GPR158: variants seen among roughly 807,000 people sequenced by gnomAD.
GPR158 encodes the protein G protein-coupled receptor 158, also known as metabotropic glycine receptor.
A neutral mutation model predicts 78.2 loss-of-function variants in GPR158; 30 were observed. That is an observed-to-expected ratio of 0.38 (90% CI 0.29 to 0.52). GPR158 has a LOEUF of 0.52. Among genes scored for constraint, GPR158 ranks in the 20% least tolerant of loss-of-function variants. The pLI is 0.83. For missense variants in GPR158, 1,463 were observed against 1,523.5 expected, an observed-to-expected ratio of 0.96 and a Z score of 0.66; for synonymous variants, 581 against 591.1, an observed-to-expected ratio of 0.98 and a Z score of 0.25.
intron 4 of GPR158, among the ~76,000 whole-genome samples, chr10:25,435,364 T>G (rs1588863128): frequency 1.3e-5 from 2 of 152,172 alleles, no homozygotes; most frequent in African/African-American, 4.8e-5. Flanking sequence ...ATGAGGTTGT[T>G]TCTGAAGATT....
chr10:25,578,573 T>C (rs1051422362), intron 7 of GPR158, among the ~76,000 whole-genome samples: 6 of 152,360 alleles, frequency 3.9e-5, no homozygotes, highest in Admixed American at 3.3e-4. Flanking sequence ...ACAGTCATAA[T>C]AGATTGGTAC....
intron 5 of GPR158, among the ~76,000 whole-genome samples, chr10:25,542,823 CAAA>C (rs5783943): frequency 3.2e-5 from 3 of 94,358 alleles, no homozygotes; most frequent in Admixed American, 1.2e-4. Context: ...AACTCCATCT[CAAA>C]AAAAAAAAAA....
chr10:25,183,133 T>C (rs149164563), intron 1 of GPR158, among the ~76,000 whole-genome samples: 1 of 152,292 alleles, frequency 6.6e-6, no homozygotes, highest in African/African-American at 2.4e-5. Flanking sequence ...CATAGCGTAA[T>C]TTCCACTTTG....
At chr10:25,339,029 T>C (rs1855266157) in intron 2 of GPR158, among the ~76,000 whole-genome samples, 1 of 151,256 alleles carries the variant, frequency 6.6e-6, no homozygotes, top group Non-Finnish European at 1.5e-5. Context: ...TCTTTTTTTT[T>C]TTTTTTTAAA....
At chr10:25,364,099 A>G (rs992651834) in intron 2 of GPR158, among the ~76,000 whole-genome samples, 4 of 151,982 alleles carry the variant, frequency 2.6e-5, no homozygotes, top group African/African-American at 9.7e-5. Flanking sequence ...TGGAATAAGA[A>G]GTATTATTCT....
intron 2 of GPR158, among the ~76,000 whole-genome samples, chr10:25,346,573 T>C (rs537729048): frequency 6.6e-6 from 1 of 151,964 alleles, no homozygotes; most frequent in Non-Finnish European, 1.5e-5. Flanking sequence ...TTATAGATTT[T>C]CTGGGTCTTT....
intron 5 of GPR158, among the ~76,000 whole-genome samples, chr10:25,520,640 G>A (rs558252359): frequency 5.3e-5 from 8 of 151,304 alleles, no homozygotes; most frequent in Non-Finnish European, 7.4e-5. Flanking sequence ...GCCGTGTGAG[G>A]TGTCAGTGTG....
At chr10:25,444,452 G>C (rs1425913278) in intron 4 of GPR158, among the ~76,000 whole-genome samples, 3 of 151,500 alleles carry the variant, frequency 2.0e-5, no homozygotes, top group Admixed American at 2.0e-4. Context: ...TTGAGTGTGA[G>C]TGTATGTGGG....
chr10:25,558,393 CT>C (rs1234395019), intron 6 of GPR158, among the ~76,000 whole-genome samples: 3 of 152,166 alleles, frequency 2.0e-5, no homozygotes, highest in Non-Finnish European at 4.4e-5. Flanking sequence ...TATTTCTTTT[CT>C]TTATGTGAAG....
chr10:25,267,303 A>G (rs1854056674), intron 2 of GPR158, among the ~76,000 whole-genome samples: 1 of 152,098 alleles, frequency 6.6e-6, no homozygotes, highest in South Asian at 2.1e-4. Context: ...AGGGGAAGCA[A>G]ACATGCCCTT....
chr10:25,209,260 G>A (rs920594254), intron 1 of GPR158, among the ~76,000 whole-genome samples: 11 of 152,262 alleles, frequency 7.2e-5, no homozygotes, highest in Non-Finnish European at 1.3e-4. Context: ...TTAGATCTAT[G>A]TACCACTCTA....
chr10:25,345,046 C>A (rs1279674636), intron 2 of GPR158, among the ~76,000 whole-genome samples: 1 of 151,966 alleles, frequency 6.6e-6, no homozygotes, highest in Admixed American at 6.6e-5. Flanking sequence ...AATACTATCA[C>A]CTTGGGGGCC....
intron 6 of GPR158, among the ~76,000 whole-genome samples, chr10:25,565,658 T>A (rs1836919568): frequency 1.3e-5 from 2 of 152,204 alleles, no homozygotes; most frequent in Admixed American, 6.5e-5. Context: ...TTGCTTTAGA[T>A]AAATGACTCC....
intron 6 of GPR158, among the ~76,000 whole-genome samples, chr10:25,570,562 A>C (rs1330611523): frequency 3.3e-5 from 5 of 152,162 alleles, no homozygotes; most frequent in African/African-American, 9.7e-5. Flanking sequence ...CCACTAAGTT[A>C]GCTTTTTATT....
Position 25,596,801 on chromosome 10 carries a change from A to C in GPR158, c.2145+12A>C. Reference sequence around the variant, plus strand: ...CAGAGGACATTCGGGTAATGCCAGTACTCTATCTTTCTTCCTATTTCAGAT... The same window carrying C: ...CAGAGGACATTCGGGTAATGCCAGTCCTCTATCTTTCTTCCTATTTCAGAT... On this transcript the variant is annotated intron_variant, in intron 10 of 10. Coordinates refer to ENST00000376351, the MANE Select transcript of GPR158 (RefSeq NM_020752.3). 2 of 1,608,402 alleles carry C rather than the reference A, an allele frequency of 1.2e-6. No individual in the cohort carries two copies. Among genetic ancestry groups the C allele is most frequent in the Non-Finnish European group, 1.7e-6 (2 of 1,176,274 alleles).
At chr10:25,207,882 A>T (rs140209574) in intron 1 of GPR158, among the ~76,000 whole-genome samples, 47 of 152,324 alleles carry the variant, frequency 3.1e-4, no homozygotes, top group African/African-American at 1.1e-3. Flanking sequence ...ATAACAATGT[A>T]AGTGCTGCCT....
At chr10:25,186,777 C>T (rs1235223558) in intron 1 of GPR158, among the ~76,000 whole-genome samples, 5 of 151,930 alleles carry the variant, frequency 3.3e-5, no homozygotes, top group East Asian at 3.9e-4. Flanking sequence ...GATTCACAGC[C>T]GAATTCTACC....
chr10:25,371,513 A>C (rs1375889851), intron 2 of GPR158, among the ~76,000 whole-genome samples: 1 of 150,938 alleles, frequency 6.6e-6, no homozygotes, highest in African/African-American at 2.4e-5. Context: ...CAGAGATATA[A>C]ATCAATGGAA....
chr10:25,452,122 C>T (rs139247268), intron 4 of GPR158, among the ~76,000 whole-genome samples: 156 of 152,162 alleles, frequency 1.0e-3, no homozygotes, highest in African/African-American at 3.4e-3. Context: ...ACTGCAGACT[C>T]AACCTCCTGG....
Sources: gnomAD v4.1 joint callset for allele counts (sites outside exome capture counted in the v4.1 genomes callset) on GRCh38, gnomAD v4.1.1 for gene constraint, MANE v1.5 for transcripts, NCBI Gene and HGNC (gene_info 2026-07-23, HGNC 2026-07-21) for gene names.